Variants in APBB2 observed in about 807,000 individuals in gnomAD.
The protein encoded by APBB2 is Fe65-like 1.
A neutral mutation model predicts 82.5 loss-of-function variants in APBB2; 38 were observed. The observed-to-expected ratio is 0.46, with a 90% CI of 0.36 to 0.60. APBB2 has a LOEUF of 0.60. Among genes scored for constraint, APBB2 ranks in the 20% least tolerant of loss-of-function variants. APBB2 has a pLI of 0.00. For missense variants in APBB2, 772 were observed against 972.3 expected (o/e 0.79, Z 2.74); for synonymous variants, 341 against 368.2 (o/e 0.93, Z 0.85).
intron 4 of APBB2, among the ~76,000 whole-genome samples, chr4:41,038,511 T>A (rs961822983): frequency 6.6e-6 from 1 of 152,038 alleles, no homozygotes; most frequent in East Asian, 1.9e-4. Context: ...TTGTCCCGGA[T>A]CTATCGCAGA....
At chr4:41,063,995 C>T (rs1481268612) in intron 4 of APBB2, among the ~76,000 whole-genome samples, 9 of 113,492 alleles carry the variant, frequency 7.9e-5, no homozygotes, top group South Asian at 3.1e-4. Context: ...CTCGCTGTGT[C>T]GCCCAGGCTG....
At chr4:40,870,328 C>T (rs1765135217) in intron 12 of APBB2, among the ~76,000 whole-genome samples, 1 of 152,162 alleles carries the variant, frequency 6.6e-6, no homozygotes, top group South Asian at 2.1e-4. Context: ...TCTGAGTGCT[C>T]ACCAGGGGAC....
rs142221524 is a variant in APBB2 at position 41,107,383 on chromosome 4, T to C, written c.-260-6633A>G. ...GAAACCATAAACCCACAAATATTCA[T>C]TGAAAAAATAATGGGGGAAACTCTT... On this transcript the variant is annotated intron_variant, in intron 2 of 17. Transcript: ENST00000508593. Among the ~76,000 whole-genome samples the C allele has an allele frequency of 6.8e-3, 1,034 of 152,168 alleles. 7 individuals carry two copies. The highest frequency in any genetic ancestry group is 1.0e-2 in the Non-Finnish European group (679 of 67,998).
chr4:41,036,557 T>C (rs1358741444), intron 4 of APBB2, among the ~76,000 whole-genome samples: 1 of 152,132 alleles, frequency 6.6e-6, no homozygotes, highest in African/African-American at 2.4e-5. Context: ...AGCCTAGTTG[T>C]TGGGGAGATG....
chr4:40,996,815 A>T (rs1308385955), intron 6 of APBB2, among the ~76,000 whole-genome samples: 1 of 152,192 alleles, frequency 6.6e-6, no homozygotes, highest in East Asian at 1.9e-4. Context: ...AAATTACTGT[A>T]AAACTCTCAT....
At chr4:40,819,805 T>C (rs1467253869) in intron 17 of APBB2, among the ~76,000 whole-genome samples, 1 of 151,886 alleles carries the variant, frequency 6.6e-6, no homozygotes, top group Non-Finnish European at 1.5e-5. Context: ...CACAGTCTCA[T>C]ACTTATTTTT....
Position 41,013,847 on chromosome 4 carries a change from G to T in APBB2, c.571C>A (p.Gln191Lys). The T allele has an allele frequency of 1.9e-6, 3 of 1,614,160 alleles. No homozygotes were observed. The highest frequency in any genetic ancestry group is 2.5e-6 in the Non-Finnish European group (3 of 1,180,034). The stretch of plus-strand genomic sequence containing the variant: ...GTGGAGGCCTGGCCCTGGACTGGCT[G>T]GGATTTCTCTTCCGCAGTCCCATGG... ...NHHGTAEEKS[Q>K]PVQGQASTII... Residue 191 changes from glutamine to lysine, a missense_variant, in exon 6 of 18, where the codon CAG becomes AAG. Transcript: ENST00000508593.
intron 12 of APBB2, among the ~76,000 whole-genome samples, chr4:40,849,261 G>C (rs1758562240): frequency 2.0e-5 from 3 of 152,172 alleles, no homozygotes; most frequent in Admixed American, 6.5e-5. Context: ...GAACAGGCAG[G>C]AGGCAAGTTC....
chr4:41,079,747 C>G (rs1369465512), intron 3 of APBB2, among the ~76,000 whole-genome samples: 2 of 152,134 alleles, frequency 1.3e-5, no homozygotes, highest in Non-Finnish European at 2.9e-5. Flanking sequence ...CGGGGTTTCA[C>G]CGTGTTGTCC....
At chr4:41,137,104 C>T (rs1757781342) in intron 2 of APBB2, among the ~76,000 whole-genome samples, 1 of 152,062 alleles carries the variant, frequency 6.6e-6, no homozygotes, top group African/African-American at 2.4e-5. Context: ...TGAAAAATGT[C>T]CCATTTTCAT....
At chr4:41,063,950 ATTTTTT>A (rs11422110) in intron 4 of APBB2, among the ~76,000 whole-genome samples, 7 of 91,788 alleles carry the variant, frequency 7.6e-5, no homozygotes, top group East Asian at 3.2e-4. Flanking sequence ...AAATGCTGGG[ATTTTTT>A]TTTTTTTTTT....
intron 4 of APBB2, among the ~76,000 whole-genome samples, chr4:41,039,771 G>A (rs1303142593): frequency 1.3e-5 from 2 of 150,558 alleles, no homozygotes; most frequent in African/African-American, 4.9e-5. Context: ...GAAGCAAGAG[G>A]ATTGGTTGAG....
At chr4:41,085,250 CAAAAAAAA>C (rs71198629) in intron 3 of APBB2, among the ~76,000 whole-genome samples, 7 of 66,180 alleles carry the variant, frequency 1.1e-4, no homozygotes, top group Non-Finnish European at 2.0e-4. Flanking sequence ...GACTCTGTCT[CAAAAAAAA>C]AAAAAAAAAA....
chr4:41,157,187 C>T (rs913696769), intron 1 of APBB2, among the ~76,000 whole-genome samples: 1 of 152,108 alleles, frequency 6.6e-6, no homozygotes, highest in Non-Finnish European at 1.5e-5. Context: ...CGATTTCTAT[C>T]GTCTTGCACA....
intron 12 of APBB2, among the ~76,000 whole-genome samples, chr4:40,862,732 A>G (rs1000261537): frequency 6.6e-6 from 1 of 151,982 alleles, no homozygotes; most frequent in African/African-American, 2.4e-5. Context: ...GGTGGCAGGC[A>G]CCTACAATCC....
intron 3 of APBB2, among the ~76,000 whole-genome samples, chr4:41,074,729 C>T (rs1012825876): frequency 6.6e-6 from 1 of 151,778 alleles, no homozygotes; most frequent in African/African-American, 2.4e-5. Flanking sequence ...CCTGCCTCAG[C>T]CTCCCGAGTA....
At chr4:40,842,450 C>A in intron 12 of APBB2, 1 of 442,480 alleles carries the variant, frequency 2.3e-6, no homozygotes, top group Non-Finnish European at 4.6e-6. Context: ...GCCAATAACA[C>A]AGCCCCGTTA....
intron 6 of APBB2, among the ~76,000 whole-genome samples, chr4:41,009,758 A>G (rs1336439645): frequency 6.6e-6 from 1 of 152,196 alleles, no homozygotes; most frequent in Non-Finnish European, 1.5e-5. Flanking sequence ...GCATACTAAG[A>G]TGTCACAAGA....
intron 1 of APBB2, among the ~76,000 whole-genome samples, chr4:41,150,924 G>A (rs1412175369): frequency 6.6e-6 from 1 of 151,996 alleles, no homozygotes; most frequent in African/African-American, 2.4e-5. Context: ...ATTTTTGGAG[G>A]GACGCAGTTT....
Sources: gnomAD v4.1 joint callset for allele counts (sites outside exome capture counted in the v4.1 genomes callset) on GRCh38, gnomAD v4.1.1 for gene constraint, MANE v1.5 for transcripts, NCBI Gene and HGNC (gene_info 2026-07-23, HGNC 2026-07-21) for gene names.